Variants in MACROD2 observed in about 807,000 individuals in gnomAD.
MACROD2 encodes mono-ADP ribosylhydrolase 2, also known as ADP-ribose glycohydrolase MACROD2.
In MACROD2, 36 loss-of-function variants were observed where a neutral mutation model predicts 70.4. That is an observed-to-expected ratio of 0.51 (90% CI 0.39 to 0.68). The LOEUF (loss-of-function observed/expected upper bound fraction) is 0.68, where lower values mean the gene tolerates loss of function less well. MACROD2 is among the 30% of genes least tolerant of loss of function. MACROD2 has a pLI of 0.00. For synonymous variants in MACROD2, 172 were observed against 178.8 expected (o/e 0.96, Z 0.30); for missense variants, 496 against 538.4 (o/e 0.92, Z 0.78).
intron 8 of MACROD2, among the ~76,000 whole-genome samples, chr20:15,858,702 A>G (rs1278060102): frequency 6.6e-6 from 1 of 152,148 alleles, no homozygotes; most frequent in Admixed American, 6.5e-5. Flanking sequence ...TCTAAAGTCT[A>G]CCTACTTTCA....
At chr20:14,863,627 G>T (rs2067083503) in intron 5 of MACROD2, among the ~76,000 whole-genome samples, 1 of 151,922 alleles carries the variant, frequency 6.6e-6, no homozygotes, top group Non-Finnish European at 1.5e-5. Flanking sequence ...GAAGAAAAAA[G>T]ACATATCTGG....
intron 5 of MACROD2, among the ~76,000 whole-genome samples, chr20:14,862,068 T>TATAAAAATATATATAA (rs2073334646): frequency 2.3e-5 from 1 of 44,384 alleles, no homozygotes; most frequent in African/African-American, 9.2e-5. Flanking sequence ...TATATAAATA[T>TATAAAAATATATATAA]ATATAAATAT....
At position 15,080,060 on chromosome 20, in the gene MACROD2, C is replaced by T. The variant is rs906142548; in HGVS notation, c.419-149880C>T. 2.8e-5 allele frequency among the ~76,000 whole-genome samples: 4 copies of T among 143,392 alleles called. No individual in the cohort carries two copies. The Admixed American group carries it at 2.8e-4, about 10-fold the overall frequency. The allele number at this position is 143,392 out of a possible 152,430, so 94.1% of individuals were successfully genotyped here. A position where few individuals can be genotyped will look rare whatever the true frequency, so the allele number is the denominator to read the frequency against. On this transcript the variant is annotated intron_variant, in intron 5 of 17. Transcript: ENST00000684519. ...ACTTGATGTTTGCTTCTGCCTTAGCCATATTTTTTCTTTTCTCTTGACTCT... is the reference window on the plus strand; with the variant it reads ...ACTTGATGTTTGCTTCTGCCTTAGCTATATTTTTTCTTTTCTCTTGACTCT...
chr20:15,853,706 A>G (rs2064325235), intron 8 of MACROD2, among the ~76,000 whole-genome samples: 1 of 152,166 alleles, frequency 6.6e-6, no homozygotes, highest in Non-Finnish European at 1.5e-5. Flanking sequence ...AGGAGTTTAG[A>G]AGTGGATTTC....
At chr20:15,940,255 T>C (rs1464197033) in intron 12 of MACROD2, among the ~76,000 whole-genome samples, 1 of 59,340 alleles carries the variant, frequency 1.7e-5, no homozygotes, top group African/African-American at 4.8e-5. Context: ...CACACCTGGC[T>C]CTTCTTTTTT....
intron 5 of MACROD2, among the ~76,000 whole-genome samples, chr20:14,811,883 A>G (rs879153254): frequency 6.6e-6 from 1 of 152,124 alleles, no homozygotes; most frequent in Non-Finnish European, 1.5e-5. Context: ...ATGAGATACC[A>G]TCTTGCGCCA....
chr20:14,683,078 C>A (rs1360570693), intron 4 of MACROD2, among the ~76,000 whole-genome samples: 1 of 152,022 alleles, frequency 6.6e-6, no homozygotes, highest in Non-Finnish European at 1.5e-5. Flanking sequence ...GGGGTTTCTC[C>A]ATGTTGGTCA....
At chr20:16,037,828 C>G (rs1349466311) in intron 15 of MACROD2, among the ~76,000 whole-genome samples, 1 of 151,802 alleles carries the variant, frequency 6.6e-6, no homozygotes, top group Non-Finnish European at 1.5e-5. Context: ...TTTCCTCTCC[C>G]TTAGCATGTT....
At chr20:15,268,266 A>G (rs984241206) in intron 6 of MACROD2, among the ~76,000 whole-genome samples, 1 of 152,226 alleles carries the variant, frequency 6.6e-6, no homozygotes, top group African/African-American at 2.4e-5. Flanking sequence ...AAAGAAATGG[A>G]AAAGAAGTTG....
At chr20:15,722,221 A>C (rs886937696) in intron 8 of MACROD2, among the ~76,000 whole-genome samples, 2 of 152,134 alleles carry the variant, frequency 1.3e-5, no homozygotes, top group African/African-American at 4.8e-5. Flanking sequence ...TGTCTGTTAG[A>C]GAATATGTGC....
intron 6 of MACROD2, among the ~76,000 whole-genome samples, chr20:15,318,899 G>A (rs1303032912): frequency 2.0e-5 from 3 of 152,016 alleles, no homozygotes; most frequent in Non-Finnish European, 4.4e-5. Context: ...TTAAAATTAA[G>A]AACAAGACAA....
chr20:14,217,966 C>T lies in MACROD2; in HGVS notation c.271+132238C>T, dbSNP rs569525442. 2.6e-5 allele frequency among the ~76,000 whole-genome samples: 4 copies of T among 152,186 alleles called. No homozygotes were observed. In the East Asian group the frequency reaches 7.7e-4, roughly 29 times the overall value. ...TCTATCTTGGAGAAAGTTCCACGCG[C>T]TGTTGAATAGAATGTGTATTCTGCG... On this transcript the variant is annotated intron_variant, in intron 3 of 17. Transcript: ENST00000684519.
At chr20:15,592,331 T>C (rs2048691331) in intron 8 of MACROD2, among the ~76,000 whole-genome samples, 1 of 152,238 alleles carries the variant, frequency 6.6e-6, no homozygotes, top group Non-Finnish European at 1.5e-5. Context: ...AGCGATTTTG[T>C]TGACAGCCAT....
chr20:14,721,322 A>G (rs957816652), intron 5 of MACROD2, among the ~76,000 whole-genome samples: 1 of 151,994 alleles, frequency 6.6e-6, no homozygotes, highest in Non-Finnish European at 1.5e-5. Context: ...ATACACAACT[A>G]TGTTTGCACA....
chr20:14,928,561 T>C (rs1293784659), intron 5 of MACROD2, among the ~76,000 whole-genome samples: 1 of 152,182 alleles, frequency 6.6e-6, no homozygotes, highest in Admixed American at 6.5e-5. Flanking sequence ...AGCTGGTTAA[T>C]ATCAATGCTG....
intron 4 of MACROD2, among the ~76,000 whole-genome samples, chr20:14,623,544 G>A (rs1983956823): frequency 6.6e-6 from 1 of 152,172 alleles, no homozygotes; most frequent in Non-Finnish European, 1.5e-5. Flanking sequence ...CCAGAATTTT[G>A]CTGTAGCAGA....
At chr20:14,814,506 C>T (rs985219007) in intron 5 of MACROD2, among the ~76,000 whole-genome samples, 6 of 151,898 alleles carry the variant, frequency 4.0e-5, no homozygotes, top group African/African-American at 9.7e-5. Flanking sequence ...AATAGTAGAT[C>T]GTTTTTTGGA....
rs184291452 is a variant in MACROD2, at chr20:15,348,897, C to T, written c.541-82508C>T. ...CAGCCAAACAATATCATTGTGTTAC[C>T]GAAATAATCTCAGTGCCCTGGTCAC... On this transcript the variant is annotated intron_variant, in intron 6 of 17. Transcript: ENST00000684519. 3.3e-5 allele frequency among the ~76,000 whole-genome samples: 5 copies of T among 151,910 alleles called. No homozygotes were observed. The East Asian group carries it at 5.8e-4, about 18-fold the overall frequency.
At position 15,076,752 on chromosome 20, in the gene MACROD2, T is replaced by A. The variant is rs192903962; in HGVS notation, c.419-153188T>A. Among the ~76,000 whole-genome samples, 26 of 152,320 alleles carry A rather than the reference T, an allele frequency of 1.7e-4. No homozygotes were observed. In the East Asian group the frequency reaches 4.6e-3, roughly 27 times the overall value. ...ATTTCTTCTTTTATTTATTTCTAAA[T>A]CTATTTCTTGTTATTTCTTGATCTA... On this transcript the variant is annotated intron_variant, in intron 5 of 17. Transcript: ENST00000684519.
Sources: gnomAD v4.1 joint callset for allele counts (sites outside exome capture counted in the v4.1 genomes callset) on GRCh38, gnomAD v4.1.1 for gene constraint, MANE v1.5 for transcripts, NCBI Gene and HGNC (gene_info 2026-07-23, HGNC 2026-07-21) for gene names.